Variants in PCSK2 observed in about 807,000 individuals in gnomAD.
PCSK2 encodes neuroendocrine convertase 2.
PCSK2 carries 14 observed loss-of-function variants against 69.7 expected under a neutral mutation model. The ratio of observed to expected loss-of-function variants is 0.20; its 90% CI spans 0.13 to 0.31. The LOEUF is 0.31. Among genes scored for constraint, PCSK2 ranks in the 10% least tolerant of loss-of-function variants. The probability of loss-of-function intolerance (pLI) is 1.00; values close to 1 mark genes in which losing one functional copy is unlikely to be tolerated. For missense variants in PCSK2, 544 were observed against 842.5 expected, an observed-to-expected ratio of 0.65 and a Z score of 4.39; for synonymous variants, 307 against 320.7, an observed-to-expected ratio of 0.96 and a Z score of 0.46.
At chr20:17,436,331 A>G (rs937211269) in intron 7 of PCSK2, among the ~76,000 whole-genome samples, 2 of 152,072 alleles carry the variant, frequency 1.3e-5, no homozygotes, top group Non-Finnish European at 2.9e-5. Context: ...TATCATATGT[A>G]GTAGCTTTAT....
intron 5 of PCSK2, among the ~76,000 whole-genome samples, chr20:17,378,722 A>G (rs1474459342): frequency 6.6e-6 from 1 of 152,028 alleles, no homozygotes; most frequent in Admixed American, 6.6e-5. Flanking sequence ...GAACGGATGG[A>G]TGAAAAGATG....
At position 17,429,535 on chromosome 20, in the gene PCSK2, C is replaced by T. The variant is rs1600573120; in HGVS notation, c.709+12C>T. The T allele has an allele frequency of 6.3e-7, 1 of 1,588,540 alleles. No individual in the cohort carries two copies. Among genetic ancestry groups the T allele is most frequent in the Non-Finnish European group, 8.6e-7 (1 of 1,157,224 alleles). On this transcript the variant is annotated intron_variant, in intron 7 of 11. Coordinates refer to ENST00000262545, the MANE Select transcript of PCSK2 (RefSeq NM_002594.5). ...CTCCAAGGTTGCAGGTAAGCCATCC[C>T]TGCCAAACAGAGGCCCCCACTAGGT... is the stretch of plus-strand genomic sequence containing the variant.
intron 8 of PCSK2, among the ~76,000 whole-genome samples, chr20:17,450,605 A>G (rs6044829): frequency 0.014 from 2,167 of 152,306 alleles, 21 homozygotes; most frequent in African/African-American, 0.022. Context: ...AGCCTTAAGC[A>G]GATGCCCAAG....
chr20:17,382,159 T>C (rs1359268164), intron 5 of PCSK2, among the ~76,000 whole-genome samples: 1 of 152,168 alleles, frequency 6.6e-6, no homozygotes, highest in Non-Finnish European at 1.5e-5. Context: ...GAGAACCATG[T>C]GTTGTCTCCC....
chr20:17,443,405 A>T (rs765994954), intron 8 of PCSK2, among the ~76,000 whole-genome samples: 5 of 152,132 alleles, frequency 3.3e-5, no homozygotes, highest in Non-Finnish European at 5.9e-5. Context: ...ATTTAGGATG[A>T]AATTTTTGAT....
intron 4 of PCSK2, among the ~76,000 whole-genome samples, chr20:17,363,706 C>G (rs946694486): frequency 6.6e-6 from 1 of 152,184 alleles, no homozygotes; most frequent in African/African-American, 2.4e-5. Flanking sequence ...GGCCAGCGAG[C>G]TAAGGTCAGA....
chr20:17,392,005 GA>G (rs2031394477), intron 5 of PCSK2, among the ~76,000 whole-genome samples: 1 of 151,824 alleles, frequency 6.6e-6, no homozygotes. Flanking sequence ...GGAAGGAAAG[GA>G]AGGAAAGGAA....
chr20:17,340,871 T>C (rs1207119911), intron 2 of PCSK2, among the ~76,000 whole-genome samples: 1 of 152,218 alleles, frequency 6.6e-6, no homozygotes, highest in Non-Finnish European at 1.5e-5. Flanking sequence ...GACTCACTGC[T>C]GGGTTGTCCC....
At chr20:17,384,515 T>C (rs778537175) in intron 5 of PCSK2, among the ~76,000 whole-genome samples, 60 of 151,756 alleles carry the variant, frequency 4.0e-4, no homozygotes, top group Admixed American at 5.9e-4. Context: ...GGCAGGAGAA[T>C]TGCTTGAACC....
At position 17,348,568 on chromosome 20, in the gene PCSK2, C is replaced by T. The variant is rs200344536; in HGVS notation, c.283-9759C>T. 3.3e-5 allele frequency among the ~76,000 whole-genome samples: 5 copies of T among 152,174 alleles called. No individual in the cohort carries two copies. The East Asian group carries it at 5.8e-4, about 18-fold the overall frequency. On this transcript the variant is annotated intron_variant, in intron 2 of 11. Coordinates refer to ENST00000262545, the MANE Select transcript of PCSK2 (RefSeq NM_002594.5). ...ACTGCTGGAGTGTCGTGTCAGTTTGCGAAGGCTCTCATATGGGGGGCCACA... is the reference window on the plus strand; with the variant it reads ...ACTGCTGGAGTGTCGTGTCAGTTTGTGAAGGCTCTCATATGGGGGGCCACA...
At chr20:17,465,289 T>G (rs1208838341) in intron 10 of PCSK2, 37 bp from the exon 11 acceptor site, 1 of 1,448,366 alleles carries the variant, frequency 6.9e-7, no homozygotes, top group East Asian at 2.3e-5. Flanking sequence ...CCCTGCCTTT[T>G]GCCCTTGCCC....
chr20:17,326,214 T>C lies in PCSK2; in HGVS notation c.283-32113T>C, dbSNP rs138521854. On this transcript the variant is annotated intron_variant, in intron 2 of 11. Transcript: ENST00000262545. ...TCAATATTAGAGGTCAGGTGAATGA[T>C]AAGAAGCATTTAGAGAAGCAAACAG... Among the ~76,000 whole-genome samples, 231 of 152,316 alleles carry C rather than the reference T, an allele frequency of 1.5e-3. 2 individuals are homozygous for C. The East Asian group carries it at 0.038, about 25-fold the overall frequency.
chr20:17,229,412 C>T (rs1986062751), intron 1 of PCSK2, among the ~76,000 whole-genome samples: 1 of 148,996 alleles, frequency 6.7e-6, no homozygotes, highest in Non-Finnish European at 1.5e-5. Flanking sequence ...CTCCCTCCCC[C>T]TCCCCCACAC....
intron 8 of PCSK2, among the ~76,000 whole-genome samples, chr20:17,450,584 G>C (rs1476647996): frequency 1.3e-5 from 2 of 152,200 alleles, no homozygotes; most frequent in Admixed American, 6.5e-5. Flanking sequence ...CTGAGAGGCA[G>C]AAATGGATCA....
intron 2 of PCSK2, among the ~76,000 whole-genome samples, chr20:17,265,441 A>G (rs1403150407): frequency 2.6e-5 from 4 of 152,122 alleles, no homozygotes; most frequent in African/African-American, 9.7e-5. Context: ...AAATTTTCCA[A>G]TTTATCTTCC....
chr20:17,383,715 T>C (rs182492186), intron 5 of PCSK2, among the ~76,000 whole-genome samples: 1 of 152,324 alleles, frequency 6.6e-6, no homozygotes, highest in African/African-American at 2.4e-5. Context: ...GCTATGCTTA[T>C]CCACTGTTCC....
chr20:17,471,184 A>G (rs2033195160), intron 11 of PCSK2, among the ~76,000 whole-genome samples: 1 of 152,346 alleles, frequency 6.6e-6, no homozygotes, highest in East Asian at 1.9e-4. Flanking sequence ...TTTATCTCCC[A>G]GTTTCTGAAT....
At chr20:17,269,768 T>C (rs1987786407) in intron 2 of PCSK2, among the ~76,000 whole-genome samples, 1 of 152,120 alleles carries the variant, frequency 6.6e-6, no homozygotes, top group Non-Finnish European at 1.5e-5. Flanking sequence ...ACAGCCTCTG[T>C]TTGACATGTC....
intron 2 of PCSK2, among the ~76,000 whole-genome samples, chr20:17,304,279 C>T (rs1286159563): frequency 6.6e-6 from 1 of 152,008 alleles, no homozygotes; most frequent in African/African-American, 2.4e-5. Context: ...ATCCTAATGT[C>T]TAGATATATT....
Sources: gnomAD v4.1 joint callset for allele counts (sites outside exome capture counted in the v4.1 genomes callset) on GRCh38, gnomAD v4.1.1 for gene constraint, MANE v1.5 for transcripts, NCBI Gene and HGNC (gene_info 2026-07-23, HGNC 2026-07-21) for gene names.